HTN3: variants seen among roughly 807,000 people sequenced by gnomAD.
HTN3 encodes histatin 3, also known as histatin-3.
HTN3 carries 15 observed loss-of-function variants against 10.6 expected under a neutral mutation model. The observed-to-expected ratio is 1.42, with a 90% CI of 0.95 to 2.18. The LOEUF (loss-of-function observed/expected upper bound fraction) is 2.18. Ranked by LOEUF, HTN3 falls within the 30% of genes most tolerant of loss-of-function variation. The pLI, the probability that HTN3 is intolerant of heterozygous loss-of-function variation, is 0.00. For missense variants in HTN3, 68 were observed against 58.0 expected (o/e 1.17, Z -0.56); for synonymous variants, 15 against 16.9 (o/e 0.89, Z 0.27).
rs897398709 is a variant in HTN3, at chr4:70,036,464, T to C, written c.*231T>C. The C allele has an allele frequency of 1.3e-5, 2 of 152,238 alleles. No individual in the cohort carries two copies. The highest frequency in any genetic ancestry group is 4.8e-5 in the African/African-American group (2 of 41,476). 9.4% of individuals were successfully genotyped at this position (152,238 alleles called of 1,614,324 possible). ...TACTTGCAATTTAAATGTTAAGCTG[T>C]TTTCACTGCTGTTTCTGAGTAATAG... On this transcript the variant is annotated 3_prime_UTR_variant, in exon 6 of 6. Coordinates refer to ENST00000673563, the MANE Select transcript of HTN3 (RefSeq NM_000200.3).
chr4:70,034,506 C>A (rs1369923934), intron 5 of HTN3: 1 of 152,128 alleles, frequency 6.6e-6, no homozygotes, highest in Non-Finnish European at 1.5e-5. Flanking sequence ...CAGTAAGATA[C>A]CATCTCACAC....
At position 70,032,012 on chromosome 4, in the gene HTN3, C is replaced by T. The variant is rs1412409911; in HGVS notation, c.72+13C>T. Reference sequence around the variant, plus strand: ...TTCACATGCAAAGGTAAGACATTTTCATTTACTGGAAAACTTGATAATTAA... The same window carrying T: ...TTCACATGCAAAGGTAAGACATTTTTATTTACTGGAAAACTTGATAATTAA... On this transcript the variant is annotated intron_variant, in intron 3 of 5. Transcript: ENST00000673563. The T allele has an allele frequency of 1.3e-6, 2 of 1,565,922 alleles. No homozygotes were observed. Among genetic ancestry groups the T allele is most frequent in the East Asian group, 4.5e-5 (2 of 44,304 alleles).
chr4:70,029,559 T>C (rs759240600), intron 1 of HTN3, among the ~76,000 whole-genome samples: 22 of 152,100 alleles, frequency 1.4e-4, no homozygotes, highest in Non-Finnish European at 3.1e-4. Flanking sequence ...TTTAAAATAT[T>C]ATCTATTAAT....
intron 1 of HTN3, among the ~76,000 whole-genome samples, chr4:70,030,128 TG>T (rs879824747): frequency 6.4e-5 from 9 of 139,740 alleles, no homozygotes; most frequent in Non-Finnish European, 1.3e-4. Context: ...CATGCTAAAC[TG>T]TTTGAACTTT....
chr4:70,029,082 C>A (rs1487039276), intron 1 of HTN3, among the ~76,000 whole-genome samples: 1 of 151,838 alleles, frequency 6.6e-6, no homozygotes, highest in Non-Finnish European at 1.5e-5. Flanking sequence ...GCAGAAAAGA[C>A]AGTTTATTAT....
chr4:70,034,411 C>T (rs1578175205), intron 5 of HTN3: 1 of 152,194 alleles, frequency 6.6e-6, no homozygotes, highest in East Asian at 1.9e-4. Flanking sequence ...TGAACAGACA[C>T]TTCTCAGAAG....
rs1725516934 is a variant in HTN3, at chr4:70,036,387, A to G, written c.*154A>G. 6.6e-6 allele frequency: 1 copy of G among 152,208 alleles called. No individual in the cohort carries two copies. Among genetic ancestry groups the G allele is most frequent in the Non-Finnish European group, 1.5e-5 (1 of 68,018 alleles). 9.4% of individuals were successfully genotyped at this position (152,208 alleles called of 1,614,324 possible). ...CAGAATAAAAGAAATACCATGATTT[A>G]GTGAATTCTGTGTTTCAGGATACTT... On this transcript the variant is annotated 3_prime_UTR_variant, in exon 6 of 6. Transcript: ENST00000673563.
intron 5 of HTN3, chr4:70,033,668 A>T (rs2109709867): frequency 6.5e-6 from 1 of 152,712 alleles, no homozygotes; most frequent in South Asian, 2.1e-4. Context: ...TAGTTTGATG[A>T]GAATAGCATT....
At chr4:70,031,621 T>G (rs1217696096) in intron 2 of HTN3, among the ~76,000 whole-genome samples, 1 of 152,116 alleles carries the variant, frequency 6.6e-6, no homozygotes, top group African/African-American at 2.4e-5. Flanking sequence ...AATAAAATAT[T>G]TGTATGTTGG....
chr4:70,028,800 T>C (rs1254532717), intron 1 of HTN3, among the ~76,000 whole-genome samples: 1 of 152,120 alleles, frequency 6.6e-6, no homozygotes, highest in African/African-American at 2.4e-5. Context: ...CCTAGATACC[T>C]GATATCTACT....
chr4:70,028,531 T>G lies in HTN3; in HGVS notation c.-14+15T>G, dbSNP rs1286075134. 2 of 152,154 alleles carry G rather than the reference T, an allele frequency of 1.3e-5. No homozygotes were observed. Among genetic ancestry groups the G allele is most frequent in the Non-Finnish European group, 2.9e-5 (2 of 68,026 alleles). The allele number at this position is 152,154 out of a possible 1,614,324, so 9.4% of individuals were successfully genotyped here. ...TTGAGTAAAAGGTAACATGTTCAAG[T>G]ACAATCTAATATTATATATTAGCAT... On this transcript the variant is annotated intron_variant, in intron 1 of 5. Coordinates refer to ENST00000673563, the MANE Select transcript of HTN3 (RefSeq NM_000200.3).
chr4:70,030,547 G>A (rs2109706742), intron 1 of HTN3, among the ~76,000 whole-genome samples, 181 bp from the exon 2 acceptor site: 1 of 152,272 alleles, frequency 6.6e-6, no homozygotes, highest in South Asian at 2.1e-4. Context: ...AGGCTAAAGT[G>A]GGAGGATGGC....
intron 5 of HTN3, among the ~76,000 whole-genome samples, chr4:70,035,937 A>T (rs1173109662): frequency 6.6e-6 from 1 of 152,122 alleles, no homozygotes; most frequent in African/African-American, 2.4e-5. Context: ...TAATCAGGGG[A>T]GGATATAGGT....
chr4:70,032,046 T>C, intron 3 of HTN3, 32 bp from the exon 4 acceptor site: 1 of 1,540,416 alleles, frequency 6.5e-7, no homozygotes, highest in South Asian at 1.2e-5. Context: ...AATCATATAT[T>C]GAATTTTTAA....
rs182004465 is a variant in HTN3 at position 70,029,828 on chromosome 4, C to A, written c.-13-900C>A. ...AATAATCTTCACCAGTTCAACTTCT[C>A]AAAGTAGATACAATCATTTTCCCTG... On this transcript the variant is annotated intron_variant, in intron 1 of 5. Coordinates refer to ENST00000673563, the MANE Select transcript of HTN3 (RefSeq NM_000200.3). Among the ~76,000 whole-genome samples, 398 of 152,230 alleles carry A rather than the reference C, an allele frequency of 2.6e-3. 1 individual carries two copies. Among genetic ancestry groups the A allele is most frequent in the African/African-American group, 9.2e-3 (382 of 41,552 alleles).
chr4:70,034,624 C>A (rs1553893027), intron 5 of HTN3, among the ~76,000 whole-genome samples: 1 of 152,140 alleles, frequency 6.6e-6, no homozygotes, highest in African/African-American at 2.4e-5. Context: ...ATTAGTTCAA[C>A]CATTGTGGAA....
intron 1 of HTN3, among the ~76,000 whole-genome samples, chr4:70,029,394 A>C (rs1578172802): frequency 6.6e-6 from 1 of 152,078 alleles, no homozygotes; most frequent in African/African-American, 2.4e-5. Context: ...TGAGTGAAGC[A>C]AAATGAATGA....
intron 2 of HTN3, among the ~76,000 whole-genome samples, chr4:70,031,738 TA>T (rs1725385898): frequency 6.6e-6 from 1 of 152,016 alleles, no homozygotes; most frequent in Non-Finnish European, 1.5e-5. Flanking sequence ...TTGCCTTTCA[TA>T]AAAAAGATAT....
intron 3 of HTN3, 30 bp downstream of exon 3, chr4:70,032,029 G>A: frequency 6.4e-7 from 1 of 1,558,512 alleles, no homozygotes; most frequent in Non-Finnish European, 8.8e-7. Context: ...TGGAAAACTT[G>A]ATAATTAATC....
Sources: gnomAD v4.1 joint callset for allele counts (sites outside exome capture counted in the v4.1 genomes callset) on GRCh38, gnomAD v4.1.1 for gene constraint, MANE v1.5 for transcripts, NCBI Gene and HGNC (gene_info 2026-07-23, HGNC 2026-07-21) for gene names.